The following DNAH8 variants were observed in gnomAD, a reference collection of about 807,000 sequenced individuals.
DNAH8 encodes axonemal beta dynein heavy chain 8.
In DNAH8, 382 loss-of-function variants were observed where a neutral mutation model predicts 562.1. The ratio of observed to expected loss-of-function variants is 0.68; its 90% CI spans 0.63 to 0.74. DNAH8 has a LOEUF of 0.74. DNAH8 is among the 30% of genes least tolerant of loss of function. The probability of loss-of-function intolerance (pLI) is 0.00; values close to 1 mark genes in which losing one functional copy is unlikely to be tolerated. For synonymous variants in DNAH8, 1,881 were observed against 1,919.4 expected, an observed-to-expected ratio of 0.98 and a Z score of 0.52; for missense variants, 5,203 against 5,620.4, an observed-to-expected ratio of 0.93 and a Z score of 2.37.
intron 41 of DNAH8, among the ~76,000 whole-genome samples, chr6:38,856,816 G>A (rs1776240648): frequency 6.6e-6 from 1 of 152,026 alleles, no homozygotes; most frequent in Non-Finnish European, 1.5e-5. Flanking sequence ...AAATGATGTT[G>A]GATCTGTCAT....
intron 21 of DNAH8, among the ~76,000 whole-genome samples, chr6:38,796,188 G>A (rs1209044478): frequency 2.0e-5 from 3 of 152,180 alleles, no homozygotes; most frequent in Non-Finnish European, 4.4e-5. Context: ...ACAGCACTTA[G>A]TCACAGCCCT....
rs189204270 is a variant in DNAH8 at position 38,775,736 on chromosome 6, A to C, written c.1765-18A>C. 1.3e-3 allele frequency: 1,992 copies of C among 1,521,376 alleles called. 4 individuals are homozygous for C. The highest frequency in any genetic ancestry group is 3.1e-3 in the Admixed American group (165 of 53,580). 94.2% of individuals were successfully genotyped at this position (1,521,376 alleles called of 1,614,324 possible). ...GCTATCTCATTTAAAAAAGCAAAAT[A>C]ACATTTCTCTTTTTAAGATTACAGA... On this transcript the variant is annotated intron_variant, in intron 12 of 92. Coordinates refer to ENST00000327475, the MANE Select transcript of DNAH8 (RefSeq NM_001206927.2).
intron 52 of DNAH8, among the ~76,000 whole-genome samples, chr6:38,873,932 A>G (rs1353253728): frequency 6.6e-6 from 1 of 152,052 alleles, no homozygotes; most frequent in Non-Finnish European, 1.5e-5. Flanking sequence ...AATTTAGCAT[A>G]TAACAGGTAA....
intron 75 of DNAH8, 33 bp downstream of exon 75, chr6:38,929,699 A>G: frequency 6.8e-7 from 1 of 1,470,336 alleles, no homozygotes; most frequent in Non-Finnish European, 9.0e-7. Flanking sequence ...AAAAGAAAGA[A>G]AGAAAGAAAA....
At chr6:38,999,318 C>A (rs1765330529) in intron 88 of DNAH8, among the ~76,000 whole-genome samples, 1 of 151,968 alleles carries the variant, frequency 6.6e-6, no homozygotes, top group Non-Finnish European at 1.5e-5. Flanking sequence ...TGGGACCTAG[C>A]CCCTGGTGCT....
rs1765007991 is a variant in DNAH8 at position 38,747,113 on chromosome 6, T to C, written c.1294-3363T>C. Among the ~76,000 whole-genome samples the C allele has an allele frequency of 1.3e-5, 2 of 152,198 alleles. 1 individual carries two copies. The highest frequency in any genetic ancestry group is 4.1e-4 in the South Asian group (2 of 4,826). ...ATAATAGCAGCTAACATTTATTGTG[T>C]GCTTACTATGTGCCAAGCGTTGTGT... On this transcript the variant is annotated intron_variant, in intron 8 of 92. Coordinates refer to ENST00000327475, the MANE Select transcript of DNAH8 (RefSeq NM_001206927.2).
At chr6:38,828,083 GTCT>G in intron 29 of DNAH8, 98 bp from the exon 30 acceptor site, 2 of 767,154 alleles carry the variant, frequency 2.6e-6, no homozygotes, top group Non-Finnish European at 2.2e-6. Flanking sequence ...AGAACATGCT[GTCT>G]TCTTCTAAGA....
At chr6:38,899,667 G>A in intron 61 of DNAH8, 109 bp from the exon 62 acceptor site, 2 of 1,233,656 alleles carry the variant, frequency 1.6e-6, no homozygotes, top group Non-Finnish European at 2.3e-6. Flanking sequence ...CGAGGAAAAA[G>A]TCTAATATCA....
chr6:38,805,665 A>G, intron 23 of DNAH8, 69 bp downstream of exon 23: 1 of 847,296 alleles, frequency 1.2e-6, no homozygotes, highest in Non-Finnish European at 1.9e-6. Context: ...ATAACCCCAT[A>G]TGGTGCTTTT....
At position 38,931,997 on chromosome 6, in the gene DNAH8, ATCTC is replaced by A; in HGVS notation, c.11457+11_11457+14del. The A allele has an allele frequency of 6.4e-7, 1 of 1,553,636 alleles. No homozygotes were observed. The highest frequency in any genetic ancestry group is 8.7e-7 in the Non-Finnish European group (1 of 1,150,456). ...AGTCATTCTAACAGAGAAACAGGTA[ATCTC>A]TCTCTCAAGGTAAAGAATTTCTGCT... On this transcript the variant is annotated splice_donor_5th_base_variant and intron_variant, in intron 76 of 92. Coordinates refer to ENST00000327475, the MANE Select transcript of DNAH8 (RefSeq NM_001206927.2).
In DNAH8 at chr6:38,720,769, TAAG is replaced by T. The variant is rs144826259; in HGVS notation, c.-34-2003_-34-2001del. ...GCAAGAAACCAGTGACTAACCCTAA[TAAG>T]AAGGCAATATGTGAACCCTCTCACC... On this transcript the variant is annotated intron_variant, in intron 1 of 92. Transcript: ENST00000327475. 6.4e-3 allele frequency among the ~76,000 whole-genome samples: 980 copies of T among 152,112 alleles called. 11 individuals are homozygous for T. The highest frequency in any genetic ancestry group is 0.022 in the African/African-American group (918 of 41,484).
At chr6:38,919,115 C>T (rs1447378734) in intron 70 of DNAH8, among the ~76,000 whole-genome samples, 3 of 152,052 alleles carry the variant, frequency 2.0e-5, no homozygotes, top group Admixed American at 2.0e-4. Context: ...CACACACACA[C>T]ATCAGAAAAG....
At chr6:38,799,985 G>A (rs1354034047) in intron 21 of DNAH8, among the ~76,000 whole-genome samples, 3 of 152,028 alleles carry the variant, frequency 2.0e-5, no homozygotes, top group Non-Finnish European at 4.4e-5. Flanking sequence ...GTCTTGCCCT[G>A]TCACCCAGAC....
At chr6:39,005,394 ACT>A (rs2150758693) in intron 88 of DNAH8, among the ~76,000 whole-genome samples, 1 of 152,200 alleles carries the variant, frequency 6.6e-6, no homozygotes, top group Admixed American at 6.5e-5. Flanking sequence ...ACAGAGTAAG[ACT>A]CTGTCTCAAA....
rs1774916820 is a variant in DNAH8 at position 38,842,706 on chromosome 6, T to C, written c.4648T>C (p.Leu1550=). The C allele has an allele frequency of 6.2e-6, 10 of 1,613,800 alleles. No homozygotes were observed. The highest frequency in any genetic ancestry group is 8.5e-6 in the Non-Finnish European group (10 of 1,179,882). The change falls in exon 35 of 93, where the codon TTG becomes CTG. Residue 1550 remains leucine, a synonymous_variant. Coordinates refer to ENST00000327475, the MANE Select transcript of DNAH8 (RefSeq NM_001206927.2). ...PKGLKDWQAF[L]DLKKRIDDFS... is the part of the protein sequence containing the mutation. ...AGGACTTAAAGATTGGCAAGCTTTT[T>C]TGGATCTCAAAAAGAGAATTGATGA...
chr6:38,933,776 TTTAACACACAGCTA>T (rs1291268613), intron 76 of DNAH8, among the ~76,000 whole-genome samples: 1 of 152,198 alleles, frequency 6.6e-6, no homozygotes, highest in East Asian at 1.9e-4. Context: ...ATTAGGCTGT[TTTAACACACAGCTA>T]GTTACTGGCA....
Position 38,798,213 on chromosome 6 carries a change from G to A in DNAH8, c.2902-4966G>A, listed in dbSNP as rs1157655467. 5.3e-5 allele frequency among the ~76,000 whole-genome samples: 8 copies of A among 152,188 alleles called. 1 individual carries two copies. The highest frequency in any genetic ancestry group is 4.8e-5 in the African/African-American group (2 of 41,436). On this transcript the variant is annotated intron_variant, in intron 21 of 92. Coordinates refer to ENST00000327475, the MANE Select transcript of DNAH8 (RefSeq NM_001206927.2). ...AGGTGATGAGAATATTATGGAATTA[G>A]ATAGTGGTCATGGTTGCACAAGTCT...
rs113347748 is a variant in DNAH8 at position 38,750,830 on chromosome 6, AATATGTGT to A, written c.1407+246_1407+253del. 8.0e-3 allele frequency among the ~76,000 whole-genome samples: 1,211 copies of A among 152,282 alleles called. 10 individuals are homozygous for A. The highest frequency in any genetic ancestry group is 0.027 in the African/African-American group (1,139 of 41,534). On this transcript the variant is annotated intron_variant, in intron 9 of 92. Coordinates refer to ENST00000327475, the MANE Select transcript of DNAH8 (RefSeq NM_001206927.2). ...TATAATTAATGCATTAAAAATCTTT[AATATGTGT>A]ATATTGGGGAAAAACATCCTGCCAA...
At chr6:38,922,404 AC>A (rs1781781020) in intron 71 of DNAH8, among the ~76,000 whole-genome samples, 1 of 152,054 alleles carries the variant, frequency 6.6e-6, no homozygotes, top group Admixed American at 6.6e-5. Context: ...GCATGGCAGT[AC>A]CCCATCGCAT....
Sources: gnomAD v4.1 joint callset for allele counts (sites outside exome capture counted in the v4.1 genomes callset) on GRCh38, gnomAD v4.1.1 for gene constraint, MANE v1.5 for transcripts, NCBI Gene and HGNC (gene_info 2026-07-23, HGNC 2026-07-21) for gene names.